The following BNC2 variants were observed in gnomAD, a reference collection of about 807,000 sequenced individuals.
The protein encoded by BNC2 is basonuclin zinc finger protein 2.
In BNC2, 20 loss-of-function variants were observed where a neutral mutation model predicts 76.3. The observed-to-expected ratio is 0.26, with a 90% CI of 0.18 to 0.38. The LOEUF is 0.38. BNC2 is among the 10% of genes least tolerant of loss of function. The probability of loss-of-function intolerance (pLI) is 1.00; values close to 1 mark genes in which losing one functional copy is unlikely to be tolerated. For missense variants in BNC2, 1,382 were observed against 1,399.8 expected (o/e 0.99, Z 0.20); for synonymous variants, 582 against 514.8 (o/e 1.13, Z -1.77).
chr9:16,570,664 A>G (rs556777310), intron 4 of BNC2, among the ~76,000 whole-genome samples: 38 of 152,220 alleles, frequency 2.5e-4, no homozygotes, highest in Non-Finnish European at 4.7e-4. Context: ...CTAAAGCAGT[A>G]TCTGCCGATT....
chr9:16,500,140 C>T (rs1175848372), intron 5 of BNC2, among the ~76,000 whole-genome samples: 5 of 152,122 alleles, frequency 3.3e-5, no homozygotes, highest in South Asian at 4.2e-4. Flanking sequence ...GCTGACTCTA[C>T]CCTGGTTTCC....
chr9:16,811,405 G>A (rs145064165), intron 1 of BNC2, among the ~76,000 whole-genome samples: 1,663 of 146,820 alleles, frequency 0.011, 34 homozygotes, highest in African/African-American at 0.039. Flanking sequence ...ACCAAAAATT[G>A]GCCAGGCATA....
intron 1 of BNC2, among the ~76,000 whole-genome samples, chr9:16,755,470 T>C (rs1191608242): frequency 6.6e-6 from 1 of 152,184 alleles, no homozygotes; most frequent in African/African-American, 2.4e-5. Flanking sequence ...CGACCACTGC[T>C]GCGCTTAACC....
intron 5 of BNC2, among the ~76,000 whole-genome samples, chr9:16,469,844 T>C (rs1056098395): frequency 1.3e-5 from 2 of 152,154 alleles, no homozygotes; most frequent in Non-Finnish European, 2.9e-5. Flanking sequence ...TGACTTTTGT[T>C]ATGTTTTAGC....
chr9:16,568,083 G>T (rs1819217080), intron 4 of BNC2, among the ~76,000 whole-genome samples: 1 of 152,074 alleles, frequency 6.6e-6, no homozygotes, highest in African/African-American at 2.4e-5. Flanking sequence ...TAAATTACAA[G>T]GCTAATTGTT....
At chr9:16,453,017 C>A (rs369347461) in intron 5 of BNC2, among the ~76,000 whole-genome samples, 13 of 152,148 alleles carry the variant, frequency 8.5e-5, no homozygotes, top group Middle Eastern at 3.2e-3. Context: ...ACAGAGGCTA[C>A]TGGACGGATT....
rs139372611 is a variant in BNC2, at chr9:16,522,753, T to G, written c.669+29777A>C. Among the ~76,000 whole-genome samples the G allele has an allele frequency of 4.6e-3, 696 of 152,256 alleles. 17 individuals carry two copies. The highest frequency in any genetic ancestry group is 0.04 in the Admixed American group (615 of 15,280). ...CAACTAAGTCACAGAAGAATGTTCT[T>G]CAGCTATTTTTTCCCCCTTCTCTTA... On this transcript the variant is annotated intron_variant, in intron 5 of 6. Transcript: ENST00000380672.
chr9:16,604,253 TTAAAAAACACTTTA>T (rs1384436959), intron 3 of BNC2, among the ~76,000 whole-genome samples: 5 of 152,182 alleles, frequency 3.3e-5, no homozygotes, highest in Admixed American at 6.5e-5. Flanking sequence ...GAGAGATTTT[TTAAAAAACACTTTA>T]TAAAAGAGAA....
At chr9:16,489,943 T>C (rs1822240069) in intron 5 of BNC2, among the ~76,000 whole-genome samples, 1 of 152,204 alleles carries the variant, frequency 6.6e-6, no homozygotes, top group Admixed American at 6.5e-5. Flanking sequence ...GTTATTAAGT[T>C]CCTTACTTCT....
chr9:16,474,357 G>C (rs1217121658), intron 5 of BNC2, among the ~76,000 whole-genome samples: 1 of 152,180 alleles, frequency 6.6e-6, no homozygotes, highest in Non-Finnish European at 1.5e-5. Flanking sequence ...ATAGGCAAGA[G>C]ACAATGAGGA....
At chr9:16,632,112 G>A (rs1821178611) in intron 3 of BNC2, among the ~76,000 whole-genome samples, 1 of 152,138 alleles carries the variant, frequency 6.6e-6, no homozygotes, top group South Asian at 2.1e-4. Flanking sequence ...ACCTAATTCA[G>A]CAGTGAGAAT....
At chr9:16,440,782 A>G (rs901549409) in intron 5 of BNC2, among the ~76,000 whole-genome samples, 1 of 152,196 alleles carries the variant, frequency 6.6e-6, no homozygotes. Context: ...TCTCTGCTAA[A>G]ATGGAGTCTG....
rs186094887 is a variant in BNC2 at position 16,462,605 on chromosome 9, G to C, written c.670-25081C>G. On this transcript the variant is annotated intron_variant, in intron 5 of 6. Coordinates refer to ENST00000380672, the MANE Select transcript of BNC2 (RefSeq NM_017637.6). ...AATGGAAAGTGGCAAAGGCACACAC[G>C]AAGGGCTTTACTTGTAGGATACTTT... Among the ~76,000 whole-genome samples the C allele has an allele frequency of 1.5e-3, 233 of 152,290 alleles. 1 individual carries two copies. The highest frequency in any genetic ancestry group is 5.1e-3 in the African/African-American group (214 of 41,560).
chr9:16,630,749 C>T (rs117071080), intron 3 of BNC2, among the ~76,000 whole-genome samples: 37 of 140,158 alleles, frequency 2.6e-4, no homozygotes, highest in South Asian at 4.6e-4. Flanking sequence ...TGGAGCGTTT[C>T]TTTTTTTGAA....
At chr9:16,708,863 T>C (rs576023080) in intron 3 of BNC2, among the ~76,000 whole-genome samples, 110 of 152,224 alleles carry the variant, frequency 7.2e-4, no homozygotes, top group African/African-American at 2.5e-3. Context: ...TCAATGCCAC[T>C]AGAAAAGCAC....
chr9:16,663,122 T>C (rs1287614316), intron 3 of BNC2, among the ~76,000 whole-genome samples: 2 of 135,894 alleles, frequency 1.5e-5, no homozygotes, highest in Non-Finnish European at 3.1e-5. Context: ...CACTCCACTC[T>C]GTTTACTCTT....
At chr9:16,788,735 AGAG>A (rs1206844647) in intron 1 of BNC2, among the ~76,000 whole-genome samples, 1 of 152,146 alleles carries the variant, frequency 6.6e-6, no homozygotes, top group African/African-American at 2.4e-5. Flanking sequence ...GGCAAAGATC[AGAG>A]GATAAGGAAG....
At chr9:16,816,487 A>G (rs1003353021) in intron 1 of BNC2, among the ~76,000 whole-genome samples, 1 of 152,252 alleles carries the variant, frequency 6.6e-6, no homozygotes, top group Admixed American at 6.5e-5. Flanking sequence ...TGTTCTAGAC[A>G]AACCTCCAAA....
intron 1 of BNC2, among the ~76,000 whole-genome samples, chr9:16,863,335 T>C (rs1323370728): frequency 6.6e-6 from 1 of 152,144 alleles, no homozygotes; most frequent in Non-Finnish European, 1.5e-5. Context: ...AAAATAACTC[T>C]CTCTCCCTAA....
Sources: gnomAD v4.1 joint callset for allele counts (sites outside exome capture counted in the v4.1 genomes callset) on GRCh38, gnomAD v4.1.1 for gene constraint, MANE v1.5 for transcripts, NCBI Gene and HGNC (gene_info 2026-07-23, HGNC 2026-07-21) for gene names.